Variants in ROBO1 observed in about 807,000 individuals in gnomAD.
ROBO1 encodes roundabout guidance receptor 1, also known as roundabout homolog 1.
A neutral mutation model predicts 195.9 loss-of-function variants in ROBO1; 149 were observed. The observed-to-expected ratio is 0.76, with a 90% confidence interval of 0.67 to 0.87. The LOEUF (loss-of-function observed/expected upper bound fraction) is 0.87, where lower values mean the gene tolerates loss of function less well. Among genes scored for constraint, ROBO1 ranks in the 40% least tolerant of loss-of-function variants. ROBO1 has a pLI of 0.00. For missense variants in ROBO1, 1,933 were observed against 2,068.3 expected, an observed-to-expected ratio of 0.93 and a Z score of 1.27; for synonymous variants, 816 against 733.2, an observed-to-expected ratio of 1.11 and a Z score of -1.82.
chr3:79,099,246 T>A (rs2079629890), intron 3 of ROBO1, among the ~76,000 whole-genome samples: 1 of 151,712 alleles, frequency 6.6e-6, no homozygotes, highest in East Asian at 1.9e-4. Context: ...ATCAAATAAT[T>A]AAAGCACTCA....
chr3:78,927,034 T>C (rs2039262354), intron 4 of ROBO1, among the ~76,000 whole-genome samples: 2 of 152,128 alleles, frequency 1.3e-5, no homozygotes, highest in Non-Finnish European at 2.9e-5. Flanking sequence ...AGGTAAATTA[T>C]ATCCATTATA....
chr3:79,621,605 A>G (rs1157971304), intron 1 of ROBO1, among the ~76,000 whole-genome samples: 3 of 152,164 alleles, frequency 2.0e-5, no homozygotes, highest in African/African-American at 4.8e-5. Flanking sequence ...CTGAGGTTTT[A>G]TTTTCAGTCT....
At chr3:78,994,621 A>C (rs2077317442) in intron 3 of ROBO1, among the ~76,000 whole-genome samples, 1 of 152,104 alleles carries the variant, frequency 6.6e-6, no homozygotes, top group Non-Finnish European at 1.5e-5. Flanking sequence ...AGACCAACCT[A>C]ATTTTCACAT....
intron 4 of ROBO1, among the ~76,000 whole-genome samples, chr3:78,910,529 C>T (rs191327765): frequency 1.4e-3 from 209 of 151,898 alleles, no homozygotes; most frequent in Admixed American, 3.3e-3. Context: ...TCAGGTAATT[C>T]GTAACAGTTA....
intron 1 of ROBO1, among the ~76,000 whole-genome samples, chr3:79,747,408 A>AT (rs769195932): frequency 1.4e-4 from 21 of 151,906 alleles, no homozygotes; most frequent in African/African-American, 4.6e-4. Context: ...GATAAATTAT[A>AT]TTTTTATGGA....
intron 2 of ROBO1, among the ~76,000 whole-genome samples, chr3:79,518,851 T>C (rs1043075562): frequency 6.6e-6 from 1 of 151,616 alleles, no homozygotes; most frequent in Non-Finnish European, 1.5e-5. Flanking sequence ...CTGTATTTTT[T>C]TTTTTTTTAG....
intron 3 of ROBO1, among the ~76,000 whole-genome samples, chr3:78,989,333 G>A (rs1173292174): frequency 2.6e-5 from 4 of 152,134 alleles, no homozygotes; most frequent in Admixed American, 1.3e-4. Flanking sequence ...AAAATTTAAG[G>A]TCAGGCACGG....
At chr3:78,604,204 G>A (rs1422666594) in intron 29 of ROBO1, among the ~76,000 whole-genome samples, 1 of 152,034 alleles carries the variant, frequency 6.6e-6, no homozygotes, top group Non-Finnish European at 1.5e-5. Flanking sequence ...CCGAGTAGCT[G>A]GGATTACAGG....
In ROBO1 at chr3:78,639,837, T is replaced by C; in HGVS notation, c.2944A>G (p.Asn982Asp). 1.9e-6 allele frequency: 3 copies of C among 1,613,280 alleles called. No individual in the cohort carries two copies. Among genetic ancestry groups the C allele is most frequent in the Non-Finnish European group, 2.5e-6 (3 of 1,179,550 alleles). Residue 982 changes from asparagine to aspartate, a missense_variant, in exon 22 of 31, where the codon AAT becomes GAT. This residue lies in a region of ROBO1 where 1,737 missense variants were observed against 1,882.5 expected (regional missense o/e 0.92). Coordinates refer to ENST00000464233, the MANE Select transcript of ROBO1 (RefSeq NM_002941.4). The stretch of plus-strand genomic sequence containing the variant: ...CAGTCATTGTGGTTGTTGCCAGTAT[T>C]AGGCCACGTGTCTGCCAGCCATGGC... ...AQPWLADTWPNTGNNHNDCSI... is the reference protein window; with the variant it reads ...AQPWLADTWPDTGNNHNDCSI...
At chr3:79,403,821 G>A (rs2106800710) in intron 2 of ROBO1, among the ~76,000 whole-genome samples, 1 of 151,912 alleles carries the variant, frequency 6.6e-6, no homozygotes, top group Non-Finnish European at 1.5e-5. Context: ...GAATGAAAAA[G>A]TTACAATGGA....
chr3:78,681,632 C>T (rs975685280), intron 10 of ROBO1, among the ~76,000 whole-genome samples: 6 of 152,034 alleles, frequency 3.9e-5, no homozygotes, highest in Admixed American at 1.3e-4. Flanking sequence ...CAGCCAGGCG[C>T]GGTGGCTCAC....
intron 4 of ROBO1, among the ~76,000 whole-genome samples, chr3:78,824,049 T>G (rs1188545410): frequency 6.6e-6 from 1 of 152,218 alleles, no homozygotes; most frequent in Non-Finnish European, 1.5e-5. Flanking sequence ...TGAGGTTGCA[T>G]CACACTAGTT....
chr3:79,053,586 C>T (rs771436952), intron 3 of ROBO1, among the ~76,000 whole-genome samples: 3 of 151,924 alleles, frequency 2.0e-5, no homozygotes, highest in Non-Finnish European at 4.4e-5. Context: ...GGTCACTTTG[C>T]CATCCATTCA....
At chr3:79,446,636 C>T (rs2039267439) in intron 2 of ROBO1, among the ~76,000 whole-genome samples, 1 of 152,016 alleles carries the variant, frequency 6.6e-6, no homozygotes, top group African/African-American at 2.4e-5. Flanking sequence ...GATGTGCATG[C>T]TAATGATATT....
At chr3:78,901,583 G>C (rs1319759892) in intron 4 of ROBO1, among the ~76,000 whole-genome samples, 1 of 152,044 alleles carries the variant, frequency 6.6e-6, no homozygotes, top group African/African-American at 2.4e-5. Context: ...TTGTCAGAAA[G>C]CTTTTAAAAT....
chr3:79,710,386 ATAT>A (rs10606796), intron 1 of ROBO1, among the ~76,000 whole-genome samples: 93,302 of 151,624 alleles, frequency 0.62, 28,899 homozygotes, highest in Middle Eastern at 0.71. Flanking sequence ...TCACACACGA[ATAT>A]TATTAGCAAA....
chr3:78,810,022 G>A (rs1480139539), intron 4 of ROBO1, among the ~76,000 whole-genome samples: 1 of 151,950 alleles, frequency 6.6e-6, no homozygotes, highest in Non-Finnish European at 1.5e-5. Flanking sequence ...TTTTAAAATG[G>A]GTTTCATAAT....
intron 5 of ROBO1, among the ~76,000 whole-genome samples, chr3:78,737,023 G>A (rs2082408147): frequency 6.6e-6 from 1 of 152,102 alleles, no homozygotes; most frequent in Non-Finnish European, 1.5e-5. Flanking sequence ...ATTACACATG[G>A]TGGGTACCTT....
intron 29 of ROBO1, 53 bp downstream of exon 29, chr3:78,606,680 G>A: frequency 6.4e-7 from 1 of 1,558,802 alleles, no homozygotes; most frequent in East Asian, 2.2e-5. Context: ...CTAACTGTAT[G>A]CCTTGCAAAC....
Sources: allele counts gnomAD v4.1 joint callset (sites outside exome capture counted in the v4.1 genomes callset), GRCh38; gene constraint gnomAD v4.1.1; regional missense constraint gnomAD v4.1.1; transcripts MANE v1.5; gene names NCBI Gene and HGNC (gene_info 2026-07-23, HGNC 2026-07-21).